TRPM3: variants seen among roughly 807,000 people sequenced by gnomAD.
The protein encoded by TRPM3 is transient receptor potential cation channel subfamily M member 3, also known as long transient receptor potential channel 3.
TRPM3 carries 77 observed loss-of-function variants against 181.2 expected under a neutral mutation model. That is an observed-to-expected ratio of 0.42 (90% CI 0.35 to 0.51). The LOEUF (loss-of-function observed/expected upper bound fraction) is 0.51, where lower values mean the gene tolerates loss of function less well. Ranked by LOEUF, TRPM3 falls within the 20% of genes least tolerant of loss-of-function variation. TRPM3 has a pLI of 0.01. For missense variants in TRPM3, 1,759 were observed against 2,196.7 expected, an observed-to-expected ratio of 0.80 and a Z score of 3.98; for synonymous variants, 745 against 796.4, an observed-to-expected ratio of 0.94 and a Z score of 1.09.
chr9:70,674,063 A>G (rs534262222), intron 9 of TRPM3, among the ~76,000 whole-genome samples: 1 of 152,330 alleles, frequency 6.6e-6, no homozygotes, highest in Non-Finnish European at 1.5e-5. Flanking sequence ...AGGTTAAGAA[A>G]ATAATAACAT....
chr9:70,667,203 A>T (rs2061967190), intron 9 of TRPM3, among the ~76,000 whole-genome samples: 1 of 151,932 alleles, frequency 6.6e-6, no homozygotes, highest in Admixed American at 6.6e-5. Context: ...AAGAGTGCTG[A>T]CTGGAAGCCC....
At chr9:70,746,475 TC>T (rs2075185775) in intron 8 of TRPM3, among the ~76,000 whole-genome samples, 2 of 152,218 alleles carry the variant, frequency 1.3e-5, no homozygotes, top group Admixed American at 6.5e-5. Flanking sequence ...GGAGTTGGCC[TC>T]CAGAGACTTA....
intron 8 of TRPM3, among the ~76,000 whole-genome samples, chr9:70,756,978 A>C (rs1045118959): frequency 9.9e-5 from 15 of 152,174 alleles, no homozygotes; most frequent in Admixed American, 2.6e-4. Flanking sequence ...ACAAGAAATA[A>C]CTAAGATCAG....
intron 1 of TRPM3, among the ~76,000 whole-genome samples, chr9:71,226,834 T>C (rs1285695217): frequency 2.0e-5 from 3 of 152,014 alleles, no homozygotes; most frequent in East Asian, 3.9e-4. Flanking sequence ...ATCTTCCAGA[T>C]GGAAGATCAA....
intron 1 of TRPM3, among the ~76,000 whole-genome samples, chr9:70,955,141 T>A (rs2097053628): frequency 6.6e-6 from 1 of 152,156 alleles, no homozygotes; most frequent in Admixed American, 6.6e-5. Flanking sequence ...CCTCTAATTG[T>A]CTGTATTACA....
chr9:71,150,955 T>C (rs1226116876), intron 1 of TRPM3, among the ~76,000 whole-genome samples: 2 of 152,162 alleles, frequency 1.3e-5, no homozygotes, highest in Admixed American at 1.3e-4. Flanking sequence ...GTTTATGATA[T>C]AAGTGGCATG....
At chr9:71,355,263 G>T (rs1474329028) in intron 1 of TRPM3, among the ~76,000 whole-genome samples, 1 of 152,176 alleles carries the variant, frequency 6.6e-6, no homozygotes. Context: ...TTACAGATAT[G>T]ATCAAGTTAT....
intron 1 of TRPM3, among the ~76,000 whole-genome samples, chr9:71,101,535 G>T (rs2068385299): frequency 6.6e-6 from 1 of 152,122 alleles, no homozygotes; most frequent in African/African-American, 2.4e-5. Context: ...TAATTCCCAA[G>T]GATTTAGTTC....
At chr9:71,386,494 G>A (rs1004494684) in intron 1 of TRPM3, among the ~76,000 whole-genome samples, 13 of 151,518 alleles carry the variant, frequency 8.6e-5, no homozygotes, top group African/African-American at 2.9e-4. Flanking sequence ...AACACATTCC[G>A]AAGAGCTGAG....
At chr9:71,400,079 C>G (rs2131374277) in intron 1 of TRPM3, among the ~76,000 whole-genome samples, 1 of 152,192 alleles carries the variant, frequency 6.6e-6, no homozygotes, top group Non-Finnish European at 1.5e-5. Context: ...AACACTAAGT[C>G]AGAGTCCTGC....
chr9:71,320,770 C>T (rs533966972), intron 1 of TRPM3, among the ~76,000 whole-genome samples: 2 of 152,224 alleles, frequency 1.3e-5, no homozygotes, highest in Admixed American at 6.5e-5. Flanking sequence ...GGTACCTATC[C>T]ACTAACCTAC....
At chr9:70,764,783 C>T (rs12684073) in intron 7 of TRPM3, among the ~76,000 whole-genome samples, 1 of 151,968 alleles carries the variant, frequency 6.6e-6, no homozygotes, top group East Asian at 1.9e-4. Flanking sequence ...AAATAACTGC[C>T]CTTTCTGATT....
intron 1 of TRPM3, among the ~76,000 whole-genome samples, chr9:71,446,460 C>T (rs2094205045): frequency 6.6e-6 from 1 of 152,202 alleles, no homozygotes. Context: ...AGACCCTCCC[C>T]TGCTGAAGGG....
At chr9:70,996,564 T>G (rs1439462991) in intron 1 of TRPM3, among the ~76,000 whole-genome samples, 1 of 152,206 alleles carries the variant, frequency 6.6e-6, no homozygotes, top group Non-Finnish European at 1.5e-5. Flanking sequence ...GGCATTCAGA[T>G]TATGTGCAAG....
intron 1 of TRPM3, among the ~76,000 whole-genome samples, chr9:71,050,166 C>T (rs995051790): frequency 1.3e-5 from 2 of 152,072 alleles, no homozygotes; most frequent in Non-Finnish European, 2.9e-5. Flanking sequence ...GGAATCAATA[C>T]ATAGAGAAAA....
chr9:70,955,282 T>C lies in TRPM3; in HGVS notation c.178-90771A>G, dbSNP rs79821103. The stretch of plus-strand genomic sequence containing the variant: ...GCTTAGGGACACTTGTTGGAGGCTG[T>C]TTCCATGTTAAAGAAGAGATTACAG... On this transcript the variant is annotated intron_variant, in intron 1 of 25. Coordinates refer to ENST00000677713, the MANE Select transcript of TRPM3 (RefSeq NM_001366145.2). 9.8e-4 allele frequency among the ~76,000 whole-genome samples: 150 copies of C among 152,320 alleles called. 1 individual carries two copies. In the East Asian group the frequency reaches 0.017, roughly 17 times the overall value.
intron 1 of TRPM3, among the ~76,000 whole-genome samples, chr9:71,151,760 C>A (rs1446522181): frequency 6.6e-6 from 1 of 151,940 alleles, no homozygotes; most frequent in Non-Finnish European, 1.5e-5. Flanking sequence ...ATAAAGGGCT[C>A]TTAAGTAGCC....
intron 5 of TRPM3, among the ~76,000 whole-genome samples, chr9:70,835,893 A>G (rs1163490440): frequency 6.6e-6 from 1 of 152,192 alleles, no homozygotes; most frequent in Non-Finnish European, 1.5e-5. Flanking sequence ...TTTAAATCCC[A>G]GAAACATCCA....
chr9:70,923,642 G>A (rs1449305806), intron 1 of TRPM3, among the ~76,000 whole-genome samples: 1 of 151,800 alleles, frequency 6.6e-6, no homozygotes, highest in Non-Finnish European at 1.5e-5. Context: ...AATTTTTCTT[G>A]CCAGTTGTCA....
Sources: allele counts gnomAD v4.1 joint callset (sites outside exome capture counted in the v4.1 genomes callset), GRCh38; gene constraint gnomAD v4.1.1; transcripts MANE v1.5; gene names NCBI Gene and HGNC (gene_info 2026-07-23, HGNC 2026-07-21).